USP6NL: variants seen among roughly 807,000 people sequenced by gnomAD.
USP6NL encodes USP6 N-terminal like, also known as USP6 N-terminal-like protein.
In USP6NL, 26 loss-of-function variants were observed where a neutral mutation model predicts 61.9. The ratio of observed to expected loss-of-function variants is 0.42; its 90% CI spans 0.31 to 0.58. The LOEUF is 0.58. Ranked by LOEUF, USP6NL falls within the 20% of genes least tolerant of loss-of-function variation. USP6NL has a pLI of 0.16. For synonymous variants in USP6NL, 432 were observed against 390.1 expected (o/e 1.11, Z -1.27); for missense variants, 1,114 against 1,034.3 (o/e 1.08, Z -1.06).
chr10:11,475,596 C>CAAAAAAAAAAAAAAAAAAA (rs35589300), intron 14 of USP6NL, among the ~76,000 whole-genome samples: 2 of 38,724 alleles, frequency 5.2e-5, no homozygotes, highest in Non-Finnish European at 9.3e-5. Flanking sequence ...AACTCTGTCG[C>CAAAAAAAAAAAAAAAAAAA]AAAAAAAAAA....
intron 2 of USP6NL, among the ~76,000 whole-genome samples, chr10:11,543,805 T>TG (rs1481215193): frequency 9.1e-6 from 1 of 110,102 alleles, no homozygotes; most frequent in Non-Finnish European, 1.9e-5. Flanking sequence ...ATATTTAGGT[T>TG]TTTTTTTTTT....
rs1591891570 is a variant in USP6NL at position 11,528,314 on chromosome 10, A to C, written c.5-747T>G. ...AAAGGCTTCTCTTACCAAAAAAAAA[A>C]AGCATTCTAAGAGAAAACTAGGCAA... On this transcript the variant is annotated intron_variant, in intron 2 of 14. Transcript: ENST00000609104. This position sits in a 1 kb window ranked among gnomAD's most constrained non-coding sequence, Gnocchi z 4.6. Among the ~76,000 whole-genome samples the C allele has an allele frequency of 6.6e-6, 1 of 152,304 alleles. No homozygotes were observed. Among genetic ancestry groups the C allele is most frequent in the East Asian group, 1.9e-4 (1 of 5,192 alleles).
At position 11,548,096 on chromosome 10, in the gene USP6NL, A is replaced by G. The variant is rs1836351260; in HGVS notation, c.5-20529T>C. Among the ~76,000 whole-genome samples, 2 of 152,162 alleles carry G rather than the reference A, an allele frequency of 1.3e-5. No individual in the cohort carries two copies. Among genetic ancestry groups the G allele is most frequent in the Admixed American group, 1.3e-4 (2 of 15,278 alleles). ...AAATGAAAATCTCACAAGTCAGCCC[A>G]TTCCAGCTTGAAGTGTTCTAATTAT... is the stretch of plus-strand genomic sequence containing the variant. On this transcript the variant is annotated intron_variant, in intron 2 of 14. Coordinates refer to ENST00000609104, the MANE Select transcript of USP6NL (RefSeq NM_014688.5). This position sits in a 1 kb window ranked among gnomAD's most constrained non-coding sequence, Gnocchi z 4.3.
chr10:11,469,867 G>A (rs1184383456), intron 14 of USP6NL, among the ~76,000 whole-genome samples: 2 of 152,154 alleles, frequency 1.3e-5, no homozygotes, highest in Non-Finnish European at 1.5e-5. Context: ...AGTATAGCCC[G>A]TGCACGCTCA....
chr10:11,603,221 AGG>A (rs1838604101), intron 1 of USP6NL, among the ~76,000 whole-genome samples: 1 of 152,182 alleles, frequency 6.6e-6, no homozygotes. Flanking sequence ...CCCCTTCCAC[AGG>A]TAGGTTTCCA....
At chr10:11,475,048 G>A (rs945379881) in intron 14 of USP6NL, among the ~76,000 whole-genome samples, 2 of 152,098 alleles carry the variant, frequency 1.3e-5, no homozygotes, top group African/African-American at 4.8e-5. Context: ...CTATAAATCT[G>A]GCTAAATTGG....
At chr10:11,488,655 TAA>T (rs1394369148) in intron 10 of USP6NL, among the ~76,000 whole-genome samples, 7 of 152,214 alleles carry the variant, frequency 4.6e-5, no homozygotes, top group South Asian at 4.1e-4. Context: ...TTTAAAAACC[TAA>T]GTGTCATTTC....
chr10:11,476,673 A>G lies in USP6NL; in HGVS notation c.1078+5097T>C, dbSNP rs1832979409. Among the ~76,000 whole-genome samples, 1 of 152,152 alleles carries G rather than the reference A, an allele frequency of 6.6e-6. No homozygotes were observed. The highest frequency in any genetic ancestry group is 2.1e-4 in the South Asian group (1 of 4,820). On this transcript the variant is annotated intron_variant, in intron 14 of 14. Transcript: ENST00000609104. The surrounding 1 kb of genome is among the most constrained non-coding windows in gnomAD (Gnocchi z 4.3). ...AAACCCACACACAAAAACCCCCACAAAACTCCTCTTCACACAAATCTAGTC... is the reference window on the plus strand; with the variant it reads ...AAACCCACACACAAAAACCCCCACAGAACTCCTCTTCACACAAATCTAGTC...
At chr10:11,533,201 T>C (rs1217851346) in intron 2 of USP6NL, among the ~76,000 whole-genome samples, 5 of 152,210 alleles carry the variant, frequency 3.3e-5, no homozygotes. Flanking sequence ...GAATAAGAAT[T>C]AGACTGGTGC....
At chr10:11,479,195 C>CA (rs1398213533) in intron 14 of USP6NL, among the ~76,000 whole-genome samples, 4 of 152,048 alleles carry the variant, frequency 2.6e-5, no homozygotes, top group Admixed American at 6.5e-5. Flanking sequence ...AAATTCTTTA[C>CA]AAAAAACACA....
At position 11,474,489 on chromosome 10, in the gene USP6NL, A is replaced by G. The variant is rs569218373; in HGVS notation, c.1078+7281T>C. Among the ~76,000 whole-genome samples the G allele has an allele frequency of 6.6e-6, 1 of 152,346 alleles. No homozygotes were observed. The highest frequency in any genetic ancestry group is 1.9e-4 in the East Asian group (1 of 5,194). On this transcript the variant is annotated intron_variant, in intron 14 of 14. Transcript: ENST00000609104. The surrounding 1 kb of genome is among the most constrained non-coding windows in gnomAD (Gnocchi z 4.9). ...TATAAAGGCAATTAAAAACGTTTGT[A>G]GGAATTTATGTTTATAAGTGGAACC... is the stretch of plus-strand genomic sequence containing the variant.
rs185282613 is a variant in USP6NL, at chr10:11,572,608, T to A, written c.4+25023A>T. Among the ~76,000 whole-genome samples the A allele has an allele frequency of 5.9e-5, 9 of 152,228 alleles. No homozygotes were observed. The East Asian group carries it at 1.3e-3, about 23-fold the overall frequency. ...TGCTAAATCATTTTACTAAGACTTA[T>A]GGAATCTCATAAGCTTTACTTTAAA... On this transcript the variant is annotated intron_variant, in intron 2 of 14. Transcript: ENST00000609104.
At position 11,463,224 on chromosome 10, in the gene USP6NL, C is replaced by T. The variant is rs751593624; in HGVS notation, c.1704G>A (p.Ala568=). The change falls in exon 15 of 15, where the codon GCG becomes GCA. Residue 568 remains alanine (A), a synonymous_variant. Coordinates refer to ENST00000609104, the MANE Select transcript of USP6NL (RefSeq NM_014688.5). The surrounding 1 kb of genome is among the most constrained non-coding windows in gnomAD (Gnocchi z 6.3). Reference sequence around the variant, plus strand: ...GGCTCTGGGAGTAAGCCCTTTCCAGCGCCTCCTCCACGGAAGCGCCGCTGT... The same window carrying T: ...GGCTCTGGGAGTAAGCCCTTTCCAGTGCCTCCTCCACGGAAGCGCCGCTGT... ...ELDSGASVEE[A]LERAYSQSPR... 6.2e-7 allele frequency: 1 copy of T among 1,613,334 alleles called. No homozygotes were observed. The highest frequency in any genetic ancestry group is 1.1e-5 in the South Asian group (1 of 91,082).
Position 11,553,158 on chromosome 10 carries a change from T to C in USP6NL, c.5-25591A>G, listed in dbSNP as rs940600409. On this transcript the variant is annotated intron_variant, in intron 2 of 14. Transcript: ENST00000609104. This position sits in a 1 kb window ranked among gnomAD's most constrained non-coding sequence, Gnocchi z 4.8. ...TATTCTTTTCAATCATCCTTCCTTT[T>C]ACATTTGCTCCACTATCACATTAAT... 4.6e-5 allele frequency among the ~76,000 whole-genome samples: 7 copies of C among 152,216 alleles called. No homozygotes were observed. The highest frequency in any genetic ancestry group is 8.8e-5 in the Non-Finnish European group (6 of 68,020).
chr10:11,493,137 C>A lies in USP6NL; in HGVS notation c.476G>T (p.Arg159Ile). The change falls in exon 8 of 15, where the codon AGA becomes ATA. Residue 159 changes from arginine (R) to isoleucine (I), a missense_variant. Arg to Ile is a moderately conservative substitution (Grantham distance 97, BLOSUM62 -3). Transcript: ENST00000609104. ...TACTCACTTAACACCATATCTGTCTCTAAACATAATGTGGTCCCGAAATGT... is the reference window on the plus strand; with the variant it reads ...TACTCACTTAACACCATATCTGTCTATAAACATAATGTGGTCCCGAAATGT... ...NRTFRDHIMFRDRYGVKQQSL... is the reference protein window; with the variant it reads ...NRTFRDHIMFIDRYGVKQQSL... 1 of 1,610,142 alleles carries A rather than the reference C, an allele frequency of 6.2e-7. No homozygotes were observed. The highest frequency in any genetic ancestry group is 8.5e-7 in the Non-Finnish European group (1 of 1,177,982).
At position 11,518,555 on chromosome 10, in the gene USP6NL, G is replaced by A. The variant is rs199884974; in HGVS notation, c.175C>T (p.His59Tyr). The change falls in exon 5 of 15, where the codon CAT (histidine) becomes TAT (tyrosine). Residue 59 changes from histidine (H) to tyrosine (Y), a missense_variant. Coordinates refer to ENST00000609104, the MANE Select transcript of USP6NL (RefSeq NM_014688.5). This position sits in a 1 kb window ranked among gnomAD's most constrained non-coding sequence, Gnocchi z 5.3. ...CTTACCCGTTCCACAGCCACATTATGATCTGGGAGCTCCTCCTCACTGCAG... is the reference window on the plus strand; with the variant it reads ...CTTACCCGTTCCACAGCCACATTATAATCTGGGAGCTCCTCCTCACTGCAG... ...GFLHEEELPD[H>Y]NVAVERQKHL... is the part of the protein sequence containing the mutation. 388 of 1,612,772 alleles carry A rather than the reference G, an allele frequency of 2.4e-4. 1 individual carries two copies. The highest frequency in any genetic ancestry group is 3.1e-4 in the Non-Finnish European group (364 of 1,179,548).
At chr10:11,573,381 T>G (rs566055551) in intron 2 of USP6NL, 1 of 358,718 alleles carries the variant, frequency 2.8e-6, no homozygotes, top group South Asian at 1.5e-4. Flanking sequence ...CCCCTTACTC[T>G]GTACCTCTTA....
At chr10:11,502,358 G>A (rs986689766) in intron 6 of USP6NL, among the ~76,000 whole-genome samples, 18 of 151,536 alleles carry the variant, frequency 1.2e-4, no homozygotes, top group African/African-American at 3.2e-4. Flanking sequence ...ACACCTCTCC[G>A]TCTTCTTGTA....
In USP6NL at chr10:11,520,518, C is replaced by T. The variant is rs117023541; in HGVS notation, c.156-1944G>A. Among the ~76,000 whole-genome samples, 39 of 152,342 alleles carry T rather than the reference C, an allele frequency of 2.6e-4. No individual in the cohort carries two copies. In the East Asian group the frequency reaches 7.5e-3, roughly 29 times the overall value. ...TACGTAAGTTGGCATGCTGGAAGAG[C>T]TCAGTAAACGGTGCTGAATGAAGAT... On this transcript the variant is annotated intron_variant, in intron 4 of 14. Coordinates refer to ENST00000609104, the MANE Select transcript of USP6NL (RefSeq NM_014688.5). The surrounding 1 kb of genome is among the most constrained non-coding windows in gnomAD (Gnocchi z 5.2).
Sources: gnomAD v4.1 joint callset for allele counts (sites outside exome capture counted in the v4.1 genomes callset) on GRCh38, gnomAD v4.1.1 for gene constraint, Gnocchi (gnomAD v3.1) non-coding constraint, MANE v1.5 for transcripts, NCBI Gene and HGNC (gene_info 2026-07-23, HGNC 2026-07-21) for gene names.